The following NHSL2 variants were observed in gnomAD, a reference collection of about 807,000 sequenced individuals.
NHSL2 encodes NHS-like protein 2.
In NHSL2, 27 loss-of-function variants were observed where a neutral mutation model predicts 53.4. That is an observed-to-expected ratio of 0.51 (90% CI 0.37 to 0.70). The LOEUF is 0.70. Among genes scored for constraint, NHSL2 ranks in the 30% least tolerant of loss-of-function variants. The probability of loss-of-function intolerance (pLI) is 0.00; values close to 1 mark genes in which losing one functional copy is unlikely to be tolerated. For missense variants in NHSL2, 892 were observed against 980.1 expected, an observed-to-expected ratio of 0.91 and a Z score of 1.20; for synonymous variants, 408 against 404.1, an observed-to-expected ratio of 1.01 and a Z score of -0.12.
intron 1 of NHSL2, among the ~76,000 whole-genome samples, chrX:71,916,537 A>G (rs1280864958): frequency 9.0e-6 from 1 of 111,406 alleles, no homozygotes; most frequent in East Asian, 2.8e-4. Flanking sequence ...CAATGTCTCC[A>G]TTCGAGGAGC....
At position 72,147,516 on chromosome X, in the gene NHSL2, C is replaced by G. The variant is rs1390979924; in HGVS notation, c.*3942C>G. ...TACCTATTTTTCCATTGCTATAAGTCTTTGTGTGCCTATACATTAAAGAAT... is the reference window on the plus strand; with the variant it reads ...TACCTATTTTTCCATTGCTATAAGTGTTTGTGTGCCTATACATTAAAGAAT... On this transcript the variant is annotated 3_prime_UTR_variant, in exon 8 of 8. Transcript: ENST00000633930. The G allele has an allele frequency of 2.7e-5, 3 of 112,386 alleles. No homozygotes were observed. The highest frequency in any genetic ancestry group is 5.6e-5 in the Non-Finnish European group (3 of 53,284). The allele number at this position is 112,386 out of a possible 1,213,427, so 9.3% of individuals were successfully genotyped here. A position where few individuals can be genotyped will look rare whatever the true frequency, so the allele number is the denominator to read the frequency against.
At chrX:71,920,393 A>T (rs887560931) in intron 1 of NHSL2, among the ~76,000 whole-genome samples, 3 of 111,560 alleles carry the variant, frequency 2.7e-5, no homozygotes, top group African/African-American at 9.8e-5. Flanking sequence ...AATAGATATT[A>T]TTGACCAAGA....
intron 1 of NHSL2, among the ~76,000 whole-genome samples, chrX:72,034,741 G>C (rs897948287): frequency 8.9e-6 from 1 of 111,766 alleles, no homozygotes; most frequent in African/African-American, 3.2e-5. Flanking sequence ...CCTTTTAAAG[G>C]CTTCAGAATC....
chrX:72,095,071 T>A (rs1379923636), intron 1 of NHSL2, among the ~76,000 whole-genome samples: 1 of 112,164 alleles, frequency 8.9e-6, no homozygotes, highest in Non-Finnish European at 1.9e-5. Flanking sequence ...GGGCTGTCTC[T>A]CAGTGCTTGG....
intron 1 of NHSL2, among the ~76,000 whole-genome samples, chrX:71,954,011 AT>A (rs749201249): frequency 8.9e-6 from 1 of 112,294 alleles, no homozygotes; most frequent in African/African-American, 3.2e-5. Flanking sequence ...CATGGGAAGC[AT>A]TCATAAACAT....
Position 72,080,917 on chromosome X carries a change from G to A in NHSL2, c.281-51162G>A, listed in dbSNP as rs1490639426. 4.5e-5 allele frequency among the ~76,000 whole-genome samples: 5 copies of A among 111,455 alleles called. No individual in the cohort carries two copies. In the Admixed American group the frequency reaches 4.7e-4, roughly 11 times the overall value. ...GGCAGAAGCAAGTACAGGGCCCTGTGCCACACTAGGACCCCTCTCTGGCTT... is the reference window on the plus strand; with the variant it reads ...GGCAGAAGCAAGTACAGGGCCCTGTACCACACTAGGACCCCTCTCTGGCTT... On this transcript the variant is annotated intron_variant, in intron 1 of 7. Transcript: ENST00000633930.
intron 1 of NHSL2, among the ~76,000 whole-genome samples, chrX:72,020,644 C>T (rs748938269): frequency 5.3e-5 from 6 of 112,561 alleles, no homozygotes; most frequent in African/African-American, 1.9e-4. Flanking sequence ...TACTGCCCCA[C>T]CTGTCTGAGA....
At chrX:71,918,360 A>ATT (rs201663104) in intron 1 of NHSL2, among the ~76,000 whole-genome samples, 2 of 97,660 alleles carry the variant, frequency 2.0e-5, no homozygotes, top group African/African-American at 4.3e-5. Flanking sequence ...GAAAATCAGA[A>ATT]TTTTTTTTTT....
intron 1 of NHSL2, among the ~76,000 whole-genome samples, chrX:72,058,880 G>A (rs948103588): frequency 8.9e-6 from 1 of 112,082 alleles, no homozygotes; most frequent in African/African-American, 3.3e-5. Context: ...TGCACAGGAA[G>A]GCTGCCATTG....
intron 1 of NHSL2, among the ~76,000 whole-genome samples, chrX:71,995,837 T>A (rs113370815): frequency 0.053 from 5,910 of 112,281 alleles, 208 homozygotes; most frequent in East Asian, 0.27. Context: ...GAAACTTTTG[T>A]CTGTTTTCCC....
intron 1 of NHSL2, among the ~76,000 whole-genome samples, chrX:72,087,741 A>G (rs185507465): frequency 2.7e-5 from 3 of 111,404 alleles, no homozygotes; most frequent in East Asian, 5.7e-4. Flanking sequence ...GCGTGGTGGC[A>G]CGCACCTATA....
intron 1 of NHSL2, among the ~76,000 whole-genome samples, chrX:71,947,414 G>A (rs1193706498): frequency 8.9e-6 from 1 of 112,477 alleles, no homozygotes; most frequent in Non-Finnish European, 1.9e-5. Context: ...AAATGTTAAG[G>A]AACACAATTC....
chrX:72,066,208 A>AT (rs1383370516), intron 1 of NHSL2, among the ~76,000 whole-genome samples: 1 of 111,452 alleles, frequency 9.0e-6, no homozygotes, highest in Non-Finnish European at 1.9e-5. Context: ...AAGTGCTCCA[A>AT]TTTGAGACAG....
intron 1 of NHSL2, among the ~76,000 whole-genome samples, chrX:72,098,847 C>T (rs1053647036): frequency 1.8e-5 from 2 of 111,528 alleles, no homozygotes; most frequent in African/African-American, 3.3e-5. Flanking sequence ...TCAAGTGAAA[C>T]ATACATGTCA....
At chrX:71,986,802 T>C (rs73561858) in intron 1 of NHSL2, among the ~76,000 whole-genome samples, 3,787 of 111,742 alleles carry the variant, frequency 0.034, 152 homozygotes, top group African/African-American at 0.12. Context: ...TAGTCCAATG[T>C]TCAGTTTATG....
intron 1 of NHSL2, among the ~76,000 whole-genome samples, chrX:71,935,303 C>A (rs1054592174): frequency 5.3e-5 from 6 of 112,540 alleles, no homozygotes; most frequent in African/African-American, 1.9e-4. Flanking sequence ...GGGAGGGGGT[C>A]AGCAGCAATG....
At chrX:72,006,189 G>A (rs758837014) in intron 1 of NHSL2, among the ~76,000 whole-genome samples, 128 of 112,049 alleles carry the variant, frequency 1.1e-3, no homozygotes, top group Non-Finnish European at 2.1e-3. Context: ...TGGTCTCTCT[G>A]CCTGTCCGAA....
chrX:72,112,980 A>G (rs746839327), intron 1 of NHSL2, among the ~76,000 whole-genome samples: 4 of 111,710 alleles, frequency 3.6e-5, no homozygotes, highest in Non-Finnish European at 7.5e-5. Context: ...ATGAGCTACC[A>G]TGCCCAAACT....
At position 72,149,471 on chromosome X, in the gene NHSL2, T is replaced by G. The variant is rs1910238816; in HGVS notation, c.*5897T>G. Reference sequence around the variant, plus strand: ...GCCAAGCTTTATAGACATTTATTCCTTAGGTGGTCTTGAGCTTTTTCTAAC... The same window carrying G: ...GCCAAGCTTTATAGACATTTATTCCGTAGGTGGTCTTGAGCTTTTTCTAAC... On this transcript the variant is annotated 3_prime_UTR_variant, in exon 8 of 8. Transcript: ENST00000633930. 1 of 112,333 alleles carries G rather than the reference T, an allele frequency of 8.9e-6. No individual in the cohort carries two copies. Among genetic ancestry groups the G allele is most frequent in the South Asian group, 3.6e-4 (1 of 2,748 alleles). 9.3% of individuals were successfully genotyped at this position (112,333 alleles called of 1,213,427 possible). A position where few individuals can be genotyped will look rare whatever the true frequency, so the allele number is the denominator to read the frequency against.
Sources: gnomAD v4.1 joint callset for allele counts (sites outside exome capture counted in the v4.1 genomes callset) on GRCh38, gnomAD v4.1.1 for gene constraint, MANE v1.5 for transcripts, NCBI Gene and HGNC (gene_info 2026-07-23, HGNC 2026-07-21) for gene names.